FAM81B: variants seen among roughly 807,000 people sequenced by gnomAD.
FAM81B encodes the protein family with sequence similarity 81 member B, also known as protein FAM81B.
A neutral mutation model predicts 58.7 loss-of-function variants in FAM81B; 60 were observed. The ratio of observed to expected loss-of-function variants is 1.02; its 90% CI spans 0.83 to 1.27. The LOEUF is 1.27. FAM81B is among the 50% of genes most tolerant of loss of function. FAM81B has a pLI of 0.00. For missense variants in FAM81B, 491 were observed against 522.0 expected (o/e 0.94, Z 0.58); for synonymous variants, 189 against 179.6 (o/e 1.05, Z -0.42).
intron 3 of FAM81B, among the ~76,000 whole-genome samples, chr5:95,398,454 A>AT (rs1437126215): frequency 2.4e-3 from 359 of 151,102 alleles, no homozygotes; most frequent in African/African-American, 8.2e-3. Context: ...AAATAAATAA[A>AT]AAACTTCAGC....
At chr5:95,395,115 G>T (rs1761928563) in intron 2 of FAM81B, among the ~76,000 whole-genome samples, 1 of 152,042 alleles carries the variant, frequency 6.6e-6, no homozygotes, top group Non-Finnish European at 1.5e-5. Flanking sequence ...AATCTGTCTT[G>T]TTTTTTTAAA....
intron 7 of FAM81B, among the ~76,000 whole-genome samples, chr5:95,443,102 G>C (rs1462270690): frequency 1.3e-5 from 2 of 152,088 alleles, no homozygotes; most frequent in African/African-American, 4.8e-5. Context: ...CATTGGTTTT[G>C]GGACATAAGT....
intron 3 of FAM81B, among the ~76,000 whole-genome samples, chr5:95,410,424 C>T (rs1056200900): frequency 1.1e-4 from 17 of 152,146 alleles, no homozygotes; most frequent in Admixed American, 7.2e-4. Context: ...AGCTGAAACC[C>T]GCAGTCCAGA....
chr5:95,416,526 C>T (rs1582801699), intron 4 of FAM81B, among the ~76,000 whole-genome samples: 1 of 152,084 alleles, frequency 6.6e-6, no homozygotes, highest in Non-Finnish European at 1.5e-5. Context: ...ACTTGTTCAT[C>T]ATAATTATTT....
chr5:95,404,931 G>A (rs1345574216), intron 3 of FAM81B, among the ~76,000 whole-genome samples: 1 of 152,202 alleles, frequency 6.6e-6, no homozygotes, highest in Non-Finnish European at 1.5e-5. Context: ...GGAAGAATGG[G>A]AGGAAATGAG....
intron 3 of FAM81B, among the ~76,000 whole-genome samples, chr5:95,408,922 T>C (rs1056065655): frequency 6.6e-6 from 1 of 152,204 alleles, no homozygotes; most frequent in Admixed American, 6.5e-5. Context: ...AATTATGTTA[T>C]CCCAAACAGT....
At chr5:95,396,240 C>CA (rs1223176437) in intron 3 of FAM81B, 65 bp downstream of exon 3, 6 of 1,277,636 alleles carry the variant, frequency 4.7e-6, no homozygotes, top group Non-Finnish European at 4.4e-6. Flanking sequence ...ATCTCACACG[C>CA]AAAAAAGAAA....
At chr5:95,394,551 G>A (rs1295734250) in intron 2 of FAM81B, among the ~76,000 whole-genome samples, 1 of 152,296 alleles carries the variant, frequency 6.6e-6, no homozygotes. Flanking sequence ...CACTCTCCAC[G>A]GCAGAAGGCA....
chr5:95,434,015 C>T (rs1245031460), intron 6 of FAM81B, among the ~76,000 whole-genome samples: 1 of 152,078 alleles, frequency 6.6e-6, no homozygotes, highest in African/African-American at 2.4e-5. Flanking sequence ...CACATCAATC[C>T]CCATACCTTT....
chr5:95,431,437 A>G (rs748876941), intron 6 of FAM81B, among the ~76,000 whole-genome samples: 2 of 152,034 alleles, frequency 1.3e-5, no homozygotes, highest in Non-Finnish European at 2.9e-5. Flanking sequence ...GTTTCCTGGT[A>G]TAATTAGTTG....
intron 7 of FAM81B, among the ~76,000 whole-genome samples, chr5:95,442,353 C>T (rs1404864774): frequency 6.6e-6 from 1 of 151,906 alleles, no homozygotes; most frequent in Non-Finnish European, 1.5e-5. Context: ...ATACAGTAAT[C>T]GTCATTTATG....
chr5:95,408,075 TGAGAGAGAGAGAGAGAGAGAGA>T (rs10567707), intron 3 of FAM81B, among the ~76,000 whole-genome samples: 1 of 130,224 alleles, frequency 7.7e-6, no homozygotes, highest in Non-Finnish European at 1.6e-5. Context: ...TCCCCCAAAA[TGAGAGAGAGAGAGAGAGAGAGA>T]GAGAGAGAGA....
intron 7 of FAM81B, among the ~76,000 whole-genome samples, chr5:95,437,223 G>T (rs1230511183): frequency 1.3e-5 from 2 of 151,912 alleles, no homozygotes; most frequent in Non-Finnish European, 2.9e-5. Flanking sequence ...AAAGCACTAT[G>T]GAAAATAATT....
chr5:95,416,797 T>A (rs1180708508), intron 4 of FAM81B, among the ~76,000 whole-genome samples: 1 of 152,136 alleles, frequency 6.6e-6, no homozygotes, highest in Admixed American at 6.5e-5. Context: ...GAAATATCAC[T>A]TTGGGGGGCT....
chr5:95,428,803 T>G, intron 6 of FAM81B, 71 bp downstream of exon 6: 4 of 1,594,474 alleles, frequency 2.5e-6, no homozygotes, highest in Non-Finnish European at 3.4e-6. Flanking sequence ...CTTATCAAAA[T>G]GCCCAATCAG....
Position 95,450,221 on chromosome 5 carries a change from A to G in FAM81B, c.1298A>G (p.Tyr433Cys), listed in dbSNP as rs764758376. ...AAAACAAAGATGGATTTAGAGAAAT[A>G]TAAAGTACAGAAAGACCTAAAGAAA... The part of the protein sequence containing the change: ...IQKTKMDLEK[Y>C]KVQKDLKKLQ... The change falls in exon 10 of 10, where the codon TAT (tyrosine) becomes TGT (cysteine). Residue 433 changes from tyrosine to cysteine, a missense_variant. By Grantham distance (194) the Tyr-to-Cys change is radical. Transcript: ENST00000283357. 1.9e-6 allele frequency: 3 copies of G among 1,613,338 alleles called. No homozygotes were observed. The highest frequency in any genetic ancestry group is 3.3e-5 in the Admixed American group (2 of 59,970).
At position 95,450,222 on chromosome 5, in the gene FAM81B, T is replaced by C. The variant is rs562119047; in HGVS notation, c.1299T>C (p.Tyr433=). Reference sequence around the variant, plus strand: ...AAACAAAGATGGATTTAGAGAAATATAAAGTACAGAAAGACCTAAAGAAAT... The same window carrying C: ...AAACAAAGATGGATTTAGAGAAATACAAAGTACAGAAAGACCTAAAGAAAT... The part of the protein sequence containing the change: ...IQKTKMDLEK[Y]KVQKDLKKLQ... The change falls in exon 10 of 10, where the codon TAT becomes TAC. Residue 433 remains tyrosine, a synonymous_variant. Coordinates refer to ENST00000283357, the MANE Select transcript of FAM81B (RefSeq NM_152548.3). The C allele has an allele frequency of 5.3e-5, 85 of 1,613,314 alleles. No homozygotes were observed. In the South Asian group the frequency reaches 8.5e-4, roughly 16 times the overall value.
chr5:95,409,128 T>C lies in FAM81B; in HGVS notation c.294-4819T>C, dbSNP rs551799471. Among the ~76,000 whole-genome samples the C allele has an allele frequency of 5.4e-4, 83 of 152,348 alleles. 1 individual carries two copies. Among genetic ancestry groups the C allele is most frequent in the African/African-American group, 1.9e-3 (79 of 41,576 alleles). ...GATATAACGGTTTAAATAAATTATA[T>C]TGTTAAAATTAACATTATCAGTTTT... On this transcript the variant is annotated intron_variant, in intron 3 of 9. Transcript: ENST00000283357.
intron 3 of FAM81B, among the ~76,000 whole-genome samples, chr5:95,399,498 G>C (rs76870281): frequency 0.045 from 6,725 of 148,382 alleles, 240 homozygotes; most frequent in African/African-American, 0.11. Flanking sequence ...CCACCCACCT[G>C]TGATGGGCAA....
Sources: gnomAD v4.1 joint callset for allele counts (sites outside exome capture counted in the v4.1 genomes callset) on GRCh38, gnomAD v4.1.1 for gene constraint, MANE v1.5 for transcripts, NCBI Gene and HGNC (gene_info 2026-07-23, HGNC 2026-07-21) for gene names.